SLC7A9: variants seen among roughly 807,000 people sequenced by gnomAD.
SLC7A9 encodes the protein solute carrier family 7 member 9.
In SLC7A9, 38 loss-of-function variants were observed where a neutral mutation model predicts 54.1. The observed-to-expected ratio is 0.70, with a 90% CI of 0.54 to 0.92. The LOEUF is 0.92. Among genes scored for constraint, SLC7A9 ranks in the 40% least tolerant of loss-of-function variants. SLC7A9 has a pLI of 0.00. For missense variants in SLC7A9, 537 were observed against 636.1 expected (o/e 0.84, Z 1.68); for synonymous variants, 264 against 258.9 (o/e 1.02, Z -0.19).
chr19:32,843,540 C>G (rs1968189158), intron 10 of SLC7A9, among the ~76,000 whole-genome samples: 2 of 152,138 alleles, frequency 1.3e-5, no homozygotes, highest in Non-Finnish European at 2.9e-5. Flanking sequence ...AGGCAGCTGT[C>G]AGTAACTACC....
chr19:32,852,074 A>G (rs1268832716), intron 9 of SLC7A9, among the ~76,000 whole-genome samples: 1 of 152,150 alleles, frequency 6.6e-6, no homozygotes, highest in African/African-American at 2.4e-5. Context: ...TAACGTTAAA[A>G]TGACGAGTTA....
chr19:32,838,754 T>G (rs1013654260), intron 11 of SLC7A9, among the ~76,000 whole-genome samples: 8 of 146,342 alleles, frequency 5.5e-5, no homozygotes, highest in Admixed American at 3.4e-4. Flanking sequence ...ATGATACACA[T>G]ATACATATAT....
chr19:32,855,036 A>G (rs572159091), intron 9 of SLC7A9, among the ~76,000 whole-genome samples: 3 of 152,246 alleles, frequency 2.0e-5, no homozygotes, highest in African/African-American at 7.2e-5. Context: ...CAGCCAAGAC[A>G]TGGACACAAC....
intron 2 of SLC7A9, 119 bp downstream of exon 2, chr19:32,868,329 C>T: frequency 1.4e-6 from 1 of 720,286 alleles, no homozygotes; most frequent in Non-Finnish European, 2.6e-6. Flanking sequence ...CTTCACAAAT[C>T]AAAGAGTACA....
rs1968688035 is a variant in SLC7A9, at chr19:32,858,354, A to G, written c.977+86T>C. 1.5e-5 allele frequency: 14 copies of G among 954,898 alleles called. No homozygotes were observed. The East Asian group carries it at 3.6e-4, about 24-fold the overall frequency. 59.2% of individuals were successfully genotyped at this position (954,898 alleles called of 1,614,324 possible). ...GTGGGTTTCGCCTGGCAGAACCCTG[A>G]GGATTTTAGCTGTGTGTCTTCCTCG... On this transcript the variant is annotated intron_variant, in intron 9 of 12. Transcript: ENST00000023064.
At chr19:32,843,542 G>A (rs946673408) in intron 10 of SLC7A9, among the ~76,000 whole-genome samples, 18 of 152,174 alleles carry the variant, frequency 1.2e-4, no homozygotes, top group African/African-American at 4.3e-4. Flanking sequence ...GCAGCTGTCA[G>A]TAACTACCTG....
intron 11 of SLC7A9, among the ~76,000 whole-genome samples, chr19:32,838,714 ATATG>A (rs1229975806): frequency 1.1e-4 from 16 of 147,296 alleles, no homozygotes; most frequent in Non-Finnish European, 1.8e-4. Flanking sequence ...ACTTATATGT[ATATG>A]TATTTGTATG....
intron 8 of SLC7A9, 102 bp downstream of exon 8, chr19:32,859,739 C>A: frequency 9.8e-7 from 1 of 1,016,308 alleles, no homozygotes; most frequent in Non-Finnish European, 1.6e-6. Context: ...CCGTGAATAT[C>A]GCCCTCCTTC....
At chr19:32,845,952 CGA>C (rs1176556985) in intron 9 of SLC7A9, among the ~76,000 whole-genome samples, 2 of 152,220 alleles carry the variant, frequency 1.3e-5, no homozygotes, top group East Asian at 3.9e-4. Context: ...TGCAGTGAGC[CGA>C]GATTGCACCA....
At chr19:32,856,872 G>T (rs553542276) in intron 9 of SLC7A9, among the ~76,000 whole-genome samples, 22 of 152,262 alleles carry the variant, frequency 1.4e-4, no homozygotes, top group African/African-American at 5.3e-4. Context: ...AAATAAGGCG[G>T]CCGGGTGTGG....
intron 7 of SLC7A9, 142 bp downstream of exon 7, chr19:32,860,464 C>CT: frequency 6.8e-7 from 1 of 1,464,052 alleles, no homozygotes; most frequent in Non-Finnish European, 9.1e-7. Flanking sequence ...GAGCAAGACT[C>CT]TGTCTCAAAA....
intron 11 of SLC7A9, among the ~76,000 whole-genome samples, chr19:32,841,679 G>A (rs1311971810): frequency 6.6e-6 from 1 of 152,226 alleles, no homozygotes; most frequent in African/African-American, 2.4e-5. Context: ...AGCCAAGGCA[G>A]GCAGATCACT....
At chr19:32,841,990 A>G (rs181953367) in intron 11 of SLC7A9, among the ~76,000 whole-genome samples, 178 bp downstream of exon 11, 1 of 152,354 alleles carries the variant, frequency 6.6e-6, no homozygotes, top group African/African-American at 2.4e-5. Flanking sequence ...ATGAATAACA[A>G]GGTGGCTAAC....
At chr19:32,837,539 A>C (rs1023692563) in intron 11 of SLC7A9, among the ~76,000 whole-genome samples, 1 of 151,888 alleles carries the variant, frequency 6.6e-6, no homozygotes, top group Non-Finnish European at 1.5e-5. Context: ...ATTCCCAACC[A>C]AAAAACAGTA....
intron 4 of SLC7A9, 78 bp from the exon 5 acceptor site, chr19:32,862,664 TTTTA>T: frequency 7.6e-7 from 1 of 1,313,526 alleles, no homozygotes; most frequent in East Asian, 2.8e-5. Context: ...TTTATATATT[TTTTA>T]TTTTTTTTTT....
At chr19:32,868,036 G>A (rs1322223795) in intron 2 of SLC7A9, among the ~76,000 whole-genome samples, 3 of 151,256 alleles carry the variant, frequency 2.0e-5, no homozygotes, top group Non-Finnish European at 4.4e-5. Flanking sequence ...TCTGAGACCA[G>A]CCTGGCCAAC....
intron 9 of SLC7A9, 83 bp from the exon 10 acceptor site, chr19:32,844,034 CA>C: frequency 9.6e-7 from 1 of 1,039,152 alleles, no homozygotes; most frequent in Non-Finnish European, 1.5e-6. Context: ...CTCCGGGGTC[CA>C]CCAAGGAGCC....
In SLC7A9 at chr19:32,864,672, G is replaced by A. The variant is rs1161536126; in HGVS notation, c.192C>T (p.Pro64=). ...CGCAAGCCGCCCATATGATGAGGCAGGGCCCCACAGCTTCCGTGTTGCTGA... is the reference window on the plus strand; with the variant it reads ...CGCAAGCCGCCCATATGATGAGGCAAGGCCCCACAGCTTCCGTGTTGCTGA... ...SVLSNTEAVG[P]CLIIWAACGV... The change falls in exon 3 of 13, where the codon CCC becomes CCT. Residue 64 remains proline, a synonymous_variant. Coordinates refer to ENST00000023064, the MANE Select transcript of SLC7A9 (RefSeq NM_014270.5). 1 of 1,614,142 alleles carries A rather than the reference G, an allele frequency of 6.2e-7. No individual in the cohort carries two copies. The highest frequency in any genetic ancestry group is 8.5e-7 in the Non-Finnish European group (1 of 1,180,038).
chr19:32,842,449 T>C, intron 10 of SLC7A9, 132 bp from the exon 11 acceptor site: 1 of 843,630 alleles, frequency 1.2e-6, no homozygotes, highest in South Asian at 1.4e-5. Flanking sequence ...CATTCCTTCA[T>C]AGTTGGGGTT....
Sources: allele counts gnomAD v4.1 joint callset (sites outside exome capture counted in the v4.1 genomes callset), GRCh38; gene constraint gnomAD v4.1.1; transcripts MANE v1.5; gene names NCBI Gene and HGNC (gene_info 2026-07-23, HGNC 2026-07-21).